The following LYRM4 variants were observed in gnomAD, a reference collection of about 807,000 sequenced individuals.
LYRM4 encodes LYR motif-containing protein 4.
A neutral mutation model predicts 11.7 loss-of-function variants in LYRM4; 9 were observed. The ratio of observed to expected loss-of-function variants is 0.77; its 90% confidence interval spans 0.46 to 1.34. The LOEUF (loss-of-function observed/expected upper bound fraction) is 1.34. Among genes scored for constraint, LYRM4 ranks in the 40% most tolerant of loss-of-function variants. The pLI, the probability that LYRM4 is intolerant of heterozygous loss-of-function variation, is 0.00. For synonymous variants in LYRM4, 42 were observed against 40.4 expected (o/e 1.04, Z -0.15); for missense variants, 133 against 112.5 (o/e 1.18, Z -0.82).
Position 5,144,683 on chromosome 6 carries a change from C to T in LYRM4, c.208-35192G>A, listed in dbSNP as rs113802550. 3.7e-3 allele frequency among the ~76,000 whole-genome samples: 545 copies of T among 146,038 alleles called. 4 individuals are homozygous for T. The highest frequency in any genetic ancestry group is 0.013 in the African/African-American group (510 of 39,454). ...AATACGTCAGGTGAATTTTCCAAAC[C>T]GGGTATTTAATCAGTTAGCTACCCA... On this transcript the variant is annotated intron_variant, in intron 2 of 2. Transcript: ENST00000330636.
At chr6:5,247,541 G>A (rs915932313) in intron 1 of LYRM4, among the ~76,000 whole-genome samples, 26 of 152,226 alleles carry the variant, frequency 1.7e-4, no homozygotes, top group Non-Finnish European at 2.8e-4. Flanking sequence ...AGATGTGGAG[G>A]AGAGTTAACT....
At chr6:5,104,154 C>G (rs1254307072), downstream of LYRM4, 1 of 152,634 alleles carries the variant, frequency 6.6e-6, no homozygotes, top group African/African-American at 2.4e-5. Flanking sequence ...GAATCTCCCC[C>G]CACCAGCCCT....
At chr6:5,086,716 A>C in the LYRM4 span, 2 of 644,528 alleles carry the variant, frequency 3.1e-6, no homozygotes, top group East Asian at 2.8e-5. Flanking sequence ...TGAACCGTCG[A>C]CTCGCACCCC....
the LYRM4 span, chr6:5,042,639 G>C: frequency 4.2e-3 from 648 of 152,726 alleles, 4 homozygotes; most frequent in Non-Finnish European, 6.0e-3. Context: ...TCAGAAGCTC[G>C]CAGCTGGAGA....
At chr6:5,214,172 G>A (rs1220477678) in intron 2 of LYRM4, among the ~76,000 whole-genome samples, 1 of 152,236 alleles carries the variant, frequency 6.6e-6, no homozygotes, top group Non-Finnish European at 1.5e-5. Context: ...GTCATAGTAG[G>A]TACTGATAAG....
intron 2 of LYRM4, among the ~76,000 whole-genome samples, chr6:5,154,963 C>A (rs1758324351): frequency 6.6e-6 from 1 of 152,176 alleles, no homozygotes; most frequent in African/African-American, 2.4e-5. Flanking sequence ...TAAACAATGC[C>A]GTTCTAACAG....
chr6:5,247,001 A>G (rs1357454512), intron 1 of LYRM4, among the ~76,000 whole-genome samples: 2 of 152,148 alleles, frequency 1.3e-5, no homozygotes, highest in Non-Finnish European at 2.9e-5. Context: ...CCTCAAGTGA[A>G]AACAGTCCTT....
At chr6:5,112,211 G>A (rs1327661721) in intron 2 of LYRM4, among the ~76,000 whole-genome samples, 1 of 152,104 alleles carries the variant, frequency 6.6e-6, no homozygotes, top group Non-Finnish European at 1.5e-5. Flanking sequence ...TGTGGTCTGT[G>A]TGTGGTCCCT....
chr6:5,094,360 C>G, the LYRM4 span, among the ~76,000 whole-genome samples: 3 of 152,088 alleles, frequency 2.0e-5, no homozygotes, highest in African/African-American at 4.8e-5. Context: ...GGCACACACC[C>G]GTAGTCCAAG....
At chr6:5,236,782 T>TAA (rs567524087) in intron 1 of LYRM4, among the ~76,000 whole-genome samples, 12 of 128,698 alleles carry the variant, frequency 9.3e-5, no homozygotes, top group African/African-American at 2.0e-4. Flanking sequence ...ACCCTGTCTC[T>TAA]AAAAAAAAAA....
chr6:5,092,579 G>A, the LYRM4 span, among the ~76,000 whole-genome samples: 9 of 151,206 alleles, frequency 6.0e-5, no homozygotes, highest in Admixed American at 1.3e-4. Context: ...TTAGCTAGGC[G>A]TGGTGGTGCA....
chr6:5,091,995 C>T, the LYRM4 span, among the ~76,000 whole-genome samples: 2 of 152,090 alleles, frequency 1.3e-5, no homozygotes, highest in Non-Finnish European at 2.9e-5. Context: ...CCCACAGAGT[C>T]GACAGCATAC....
chr6:5,226,060 CAG>C (rs922839514), intron 1 of LYRM4, among the ~76,000 whole-genome samples: 134 of 152,258 alleles, frequency 8.8e-4, no homozygotes, highest in African/African-American at 3.1e-3. Flanking sequence ...GCCTTTTGTG[CAG>C]AGTTACAATA....
At chr6:5,086,563 G>T in the LYRM4 span, 13 of 1,508,130 alleles carry the variant, frequency 8.6e-6, no homozygotes, top group Non-Finnish European at 1.1e-5. Context: ...CGCGCTCTGA[G>T]CCTGGAGAGT....
intron 2 of LYRM4, among the ~76,000 whole-genome samples, chr6:5,127,661 T>C (rs757082851): frequency 2.0e-5 from 3 of 152,190 alleles, no homozygotes; most frequent in African/African-American, 4.8e-5. Flanking sequence ...TAAATGACAA[T>C]CTTTTAAATA....
At chr6:5,232,765 C>T (rs567771023) in intron 1 of LYRM4, among the ~76,000 whole-genome samples, 60 of 152,164 alleles carry the variant, frequency 3.9e-4, no homozygotes, top group Non-Finnish European at 7.5e-4. Flanking sequence ...TCATTACTTG[C>T]CCTAAATCCA....
intron 2 of LYRM4, among the ~76,000 whole-genome samples, chr6:5,142,913 T>C (rs1051777037): frequency 3.3e-5 from 5 of 152,220 alleles, no homozygotes; most frequent in Non-Finnish European, 1.5e-5. Context: ...GCTGGCCTCA[T>C]GCAGATGTCT....
chr6:5,232,793 C>T (rs568571055), intron 1 of LYRM4, among the ~76,000 whole-genome samples: 26 of 152,266 alleles, frequency 1.7e-4, no homozygotes, highest in African/African-American at 5.1e-4. Flanking sequence ...GTTTTCTATA[C>T]GCATAAATGC....
the LYRM4 span, chr6:5,066,996 A>G: frequency 1.2e-6 from 1 of 833,152 alleles, no homozygotes; most frequent in Non-Finnish European, 1.7e-6. Flanking sequence ...TTTGTCTCTC[A>G]GGCCCGCTCC....
Sources: allele counts gnomAD v4.1 joint callset (sites outside exome capture counted in the v4.1 genomes callset), GRCh38; gene constraint gnomAD v4.1.1; transcripts MANE v1.5; gene names NCBI Gene and HGNC (gene_info 2026-07-23, HGNC 2026-07-21).